EYS: variants seen among roughly 807,000 people sequenced by gnomAD.
EYS encodes protein eyes shut homolog.
A neutral mutation model predicts 282.1 loss-of-function variants in EYS; 250 were observed. That is an observed-to-expected ratio of 0.89 (90% CI 0.80 to 0.98). The LOEUF (loss-of-function observed/expected upper bound fraction) is 0.98, where lower values mean the gene tolerates loss of function less well. Among genes scored for constraint, EYS ranks in the 50% least tolerant of loss-of-function variants. The pLI is 0.00. For missense variants in EYS, 4,016 were observed against 3,709.0 expected (o/e 1.08, Z -2.15); for synonymous variants, 1,355 against 1,282.9 (o/e 1.06, Z -1.20).
chr6:64,922,318 A>C (rs759572133), intron 15 of EYS, among the ~76,000 whole-genome samples: 1 of 152,240 alleles, frequency 6.6e-6, no homozygotes, highest in Admixed American at 6.5e-5. Flanking sequence ...ATTCCCACAA[A>C]TACTAAGGTT....
At chr6:63,956,396 G>A (rs888842608) in intron 35 of EYS, among the ~76,000 whole-genome samples, 5 of 151,872 alleles carry the variant, frequency 3.3e-5, no homozygotes, top group African/African-American at 7.2e-5. Context: ...CCTGTAAAAC[G>A]GCCCACCTCT....
intron 5 of EYS, among the ~76,000 whole-genome samples, chr6:65,448,249 C>G (rs191711898): frequency 6.6e-6 from 1 of 151,934 alleles, no homozygotes; most frequent in Admixed American, 6.6e-5. Context: ...ACACACTGCA[C>G]GGCATTAAGG....
In EYS at chr6:65,427,131, C is replaced by A. The variant is rs114065787; in HGVS notation, c.863-21764G>T. 5.4e-3 allele frequency among the ~76,000 whole-genome samples: 817 copies of A among 152,110 alleles called. 8 individuals are homozygous for A. The highest frequency in any genetic ancestry group is 0.019 in the African/African-American group (778 of 41,520). On this transcript the variant is annotated intron_variant, in intron 5 of 42. Coordinates refer to ENST00000503581, the MANE Select transcript of EYS (RefSeq NM_001142800.2). Reference sequence around the variant, plus strand: ...TTTTTCTTTAAATGGTGTAGGGTAACCCTTACTCTAGTTCCACCTTCATAA... The same window carrying A: ...TTTTTCTTTAAATGGTGTAGGGTAAACCTTACTCTAGTTCCACCTTCATAA...
chr6:65,045,951 G>A (rs563248568), intron 13 of EYS, among the ~76,000 whole-genome samples: 1 of 151,878 alleles, frequency 6.6e-6, no homozygotes, highest in Non-Finnish European at 1.5e-5. Context: ...ATTATTTATT[G>A]AATATACTTT....
At chr6:64,688,449 A>G (rs1214792915) in intron 22 of EYS, among the ~76,000 whole-genome samples, 2 of 152,156 alleles carry the variant, frequency 1.3e-5, no homozygotes, top group East Asian at 1.9e-4. Context: ...GTTTCAAAGA[A>G]CATCTTTATT....
intron 4 of EYS, among the ~76,000 whole-genome samples, chr6:65,491,941 A>G (rs1766061522): frequency 6.6e-6 from 1 of 152,176 alleles, no homozygotes; most frequent in African/African-American, 2.4e-5. Context: ...ATGACAATGT[A>G]AAGACACAGG....
intron 7 of EYS, among the ~76,000 whole-genome samples, chr6:65,389,850 A>G (rs1443526015): frequency 6.6e-6 from 1 of 152,096 alleles, no homozygotes. Flanking sequence ...TGGTGTTTTC[A>G]GGTCAATGGA....
chr6:65,303,796 C>CA (rs1369408120), intron 11 of EYS: 4 of 563,086 alleles, frequency 7.1e-6, no homozygotes, highest in Non-Finnish European at 1.2e-5. Flanking sequence ...GACAAAAAAG[C>CA]AAAAAGGATA....
intron 2 of EYS, among the ~76,000 whole-genome samples, chr6:65,549,802 C>T (rs1469272882): frequency 6.6e-6 from 1 of 152,200 alleles, no homozygotes; most frequent in Non-Finnish European, 1.5e-5. Context: ...TCCCAGTCAA[C>T]CCTGTCTGCC....
At chr6:65,448,811 A>T (rs1047886878) in intron 5 of EYS, among the ~76,000 whole-genome samples, 2 of 152,110 alleles carry the variant, frequency 1.3e-5, no homozygotes, top group African/African-American at 4.8e-5. Flanking sequence ...GCAACTTAAG[A>T]CTTGATGAAA....
intron 29 of EYS, among the ~76,000 whole-genome samples, chr6:64,313,556 A>G (rs1032852909): frequency 6.6e-6 from 1 of 152,136 alleles, no homozygotes; most frequent in African/African-American, 2.4e-5. Context: ...CTCCTCGAGA[A>G]GAGCAAACCC....
chr6:64,017,366 G>A (rs1768944808), intron 33 of EYS, among the ~76,000 whole-genome samples: 1 of 151,978 alleles, frequency 6.6e-6, no homozygotes, highest in African/African-American at 2.4e-5. Flanking sequence ...GAGATCTGTG[G>A]GTACTGAAGA....
intron 26 of EYS, among the ~76,000 whole-genome samples, chr6:64,547,277 C>A (rs556095471): frequency 1.3e-5 from 2 of 152,294 alleles, no homozygotes; most frequent in African/African-American, 4.8e-5. Flanking sequence ...ATTCTCTTAT[C>A]TGGCCCCACC....
At chr6:63,980,804 C>T (rs1767053355) in intron 35 of EYS, among the ~76,000 whole-genome samples, 1 of 151,702 alleles carries the variant, frequency 6.6e-6, no homozygotes, top group Non-Finnish European at 1.5e-5. Flanking sequence ...AAAAACAGAG[C>T]CAAAGGATGA....
intron 12 of EYS, among the ~76,000 whole-genome samples, chr6:65,221,290 T>C (rs516030): frequency 0.28 from 42,438 of 152,088 alleles, 6,506 homozygotes; most frequent in African/African-American, 0.4. Flanking sequence ...GAGGTCTTCA[T>C]AGCAGCCCCT....
intron 30 of EYS, among the ~76,000 whole-genome samples, chr6:64,266,602 A>G (rs1767767488): frequency 6.6e-6 from 1 of 152,146 alleles, no homozygotes; most frequent in Non-Finnish European, 1.5e-5. Flanking sequence ...AAGACAAGTC[A>G]GTTAAGGACA....
intron 22 of EYS, among the ~76,000 whole-genome samples, chr6:64,734,031 C>T (rs554758706): frequency 2.6e-5 from 4 of 151,648 alleles, no homozygotes; most frequent in South Asian, 4.2e-4. Flanking sequence ...ATAAAACAAA[C>T]GAAACCCTTA....
chr6:65,579,466 TATC>T (rs983388725), intron 2 of EYS, among the ~76,000 whole-genome samples: 1 of 151,964 alleles, frequency 6.6e-6, no homozygotes, highest in African/African-American at 2.4e-5. Flanking sequence ...CAAAAGAAAA[TATC>T]ATAGACTGGG....
At chr6:65,674,926 A>G (rs112365005) in intron 1 of EYS, among the ~76,000 whole-genome samples, 2,623 of 139,678 alleles carry the variant, frequency 0.019, 78 homozygotes, top group African/African-American at 0.066. Flanking sequence ...AAATAAATTT[A>G]TACACAATAT....
Sources: allele counts gnomAD v4.1 joint callset (sites outside exome capture counted in the v4.1 genomes callset), GRCh38; gene constraint gnomAD v4.1.1; transcripts MANE v1.5; gene names NCBI Gene and HGNC (gene_info 2026-07-23, HGNC 2026-07-21).